Variants in SCN3A observed in about 807,000 individuals in gnomAD.
The protein encoded by SCN3A is sodium voltage-gated channel alpha subunit 3, also known as sodium channel protein type 3 subunit alpha.
A neutral mutation model predicts 187.6 loss-of-function variants in SCN3A; 60 were observed. The ratio of observed to expected loss-of-function variants is 0.32; its 90% CI spans 0.26 to 0.40. SCN3A has a LOEUF of 0.40. Ranked by LOEUF, SCN3A falls within the 10% of genes least tolerant of loss-of-function variation. The probability of loss-of-function intolerance (pLI) is 1.00; values close to 1 mark genes in which losing one functional copy is unlikely to be tolerated. For missense variants in SCN3A, 1,601 were observed against 2,428.2 expected (o/e 0.66, Z 7.16); for synonymous variants, 788 against 829.2 (o/e 0.95, Z 0.85).
intron 2 of SCN3A, among the ~76,000 whole-genome samples, chr2:165,178,772 G>A (rs1381473468): frequency 6.6e-6 from 1 of 151,960 alleles, no homozygotes; most frequent in Non-Finnish European, 1.5e-5. Context: ...CGAAAGGTTT[G>A]AGAAAAATTC....
chr2:165,115,626 C>G, intron 18 of SCN3A, 51 bp from the exon 19 acceptor site: 1 of 1,575,840 alleles, frequency 6.3e-7, no homozygotes, highest in Non-Finnish European at 8.7e-7. Context: ...TTTTATTTAA[C>G]TAACTGGGAA....
At chr2:165,127,584 C>CA in intron 18 of SCN3A, 47 bp downstream of exon 18, 1 of 1,423,978 alleles carries the variant, frequency 7.0e-7, no homozygotes, top group Non-Finnish European at 9.9e-7. Context: ...AACTGTAGTA[C>CA]ATGGTTATCA....
chr2:165,130,711 A>G (rs745411338), intron 16 of SCN3A, among the ~76,000 whole-genome samples: 2 of 152,142 alleles, frequency 1.3e-5, no homozygotes, highest in African/African-American at 2.4e-5. Context: ...TAACCTAAAT[A>G]ATGTGATAAA....
chr2:165,146,016 T>C (rs571062566), intron 12 of SCN3A, among the ~76,000 whole-genome samples: 1 of 152,126 alleles, frequency 6.6e-6, no homozygotes, highest in African/African-American at 2.4e-5. Flanking sequence ...CTCTTTTACT[T>C]AAAACTATGC....
At position 165,161,133 on chromosome 2, in the gene SCN3A, CTTTCTTTT is replaced by C. The variant is rs1689347896; in HGVS notation, c.1031+1167_1031+1174del. Among the ~76,000 whole-genome samples the C allele has an allele frequency of 4.8e-5, 4 of 83,708 alleles. No individual in the cohort carries two copies. The South Asian group carries it at 1.2e-3, about 25-fold the overall frequency. The allele number at this position is 83,708 out of a possible 152,430, so 54.9% of individuals were successfully genotyped here. ...TTCTTTTCTTTTCTTTTTTTTCTTT[CTTTCTTTT>C]TTTTTTTTTTTTTTTTTTTTTGTTT... On this transcript the variant is annotated intron_variant, in intron 9 of 27. Coordinates refer to ENST00000283254, the MANE Select transcript of SCN3A (RefSeq NM_006922.4).
At chr2:165,186,835 CT>C (rs113040062) in intron 1 of SCN3A, 88 bp from the exon 2 acceptor site, 2,257 of 147,720 alleles carry the variant, frequency 0.015, 44 homozygotes, top group Admixed American at 0.051. Context: ...GGTTTTATTC[CT>C]TTTTTTTTTA....
chr2:165,100,684 A>G (rs563539678), intron 21 of SCN3A, among the ~76,000 whole-genome samples: 15 of 152,100 alleles, frequency 9.9e-5, no homozygotes, highest in Non-Finnish European at 1.8e-4. Flanking sequence ...TATACCATGG[A>G]CCCCTTTTCA....
chr2:165,176,217 T>A lies in SCN3A; in HGVS notation c.178A>T (p.Asn60Tyr), dbSNP rs1690446536. The A allele has an allele frequency of 6.2e-7, 1 of 1,614,028 alleles. No individual in the cohort carries two copies. The highest frequency in any genetic ancestry group is 1.3e-5 in the African/African-American group (1 of 74,944). ...KPNSDLEAGKNLPFIYGDIPP... is the reference protein window; with the variant it reads ...KPNSDLEAGKYLPFIYGDIPP... ...ATGTCTCCATAAATAAATGGAAGGT[T>A]CTTTCCAGCTTCCAAGTCACTATTT... The change falls in exon 3 of 28, where the codon AAC (asparagine) becomes TAC (tyrosine). Residue 60 changes from asparagine to tyrosine, a missense_variant. Around this residue, in one of 11 missense-constraint regions of SCN3A, gnomAD observed 74 missense variants for 77.7 expected, o/e 0.95. Coordinates refer to ENST00000283254, the MANE Select transcript of SCN3A (RefSeq NM_006922.4).
chr2:165,142,132 C>T (rs538559769), intron 12 of SCN3A, among the ~76,000 whole-genome samples: 1 of 152,128 alleles, frequency 6.6e-6, no homozygotes, highest in Non-Finnish European at 1.5e-5. Flanking sequence ...ATTCCCTTTC[C>T]TACTTCTCTT....
At position 165,168,665 on chromosome 2, in the gene SCN3A, C is replaced by CTA. The variant is rs1446836555; in HGVS notation, c.473+69_473+70dup. The CTA allele has an allele frequency of 1.3e-5, 14 of 1,047,798 alleles. No homozygotes were observed. The Admixed American group carries it at 2.4e-4, about 18-fold the overall frequency. 64.9% of individuals were successfully genotyped at this position (1,047,798 alleles called of 1,614,324 possible). A position where few individuals can be genotyped will look rare whatever the true frequency, so the allele number is the denominator to read the frequency against. On this transcript the variant is annotated intron_variant, in intron 5 of 27. Transcript: ENST00000283254. ...ACAGAAGTGGAAACCATAAGTCAGG[C>CTA]TATACCCACAAGGAGATTGCTAGAG...
At chr2:165,156,183 C>T (rs1158067819) in intron 9 of SCN3A, among the ~76,000 whole-genome samples, 1 of 152,074 alleles carries the variant, frequency 6.6e-6, no homozygotes, top group African/African-American at 2.4e-5. Flanking sequence ...TACCATATTT[C>T]TACTCTTTAC....
chr2:165,202,413 C>G (rs1446153923), intron 1 of SCN3A, among the ~76,000 whole-genome samples: 2 of 151,982 alleles, frequency 1.3e-5, no homozygotes, highest in Non-Finnish European at 2.9e-5. Context: ...ATTTAGTCAC[C>G]TGTAGAGAAG....
Position 165,089,733 on chromosome 2 carries a change from C to A in SCN3A, c.*417G>T, listed in dbSNP as rs1684986432. The A allele has an allele frequency of 5.9e-6, 1 of 169,926 alleles. No homozygotes were observed. Among genetic ancestry groups the A allele is most frequent in the Non-Finnish European group, 1.3e-5 (1 of 78,134 alleles). 10.5% of individuals were successfully genotyped at this position (169,926 alleles called of 1,614,324 possible). A position where few individuals can be genotyped will look rare whatever the true frequency, so the allele number is the denominator to read the frequency against. On this transcript the variant is annotated 3_prime_UTR_variant, in exon 28 of 28. Coordinates refer to ENST00000283254, the MANE Select transcript of SCN3A (RefSeq NM_006922.4). ...CTCATTTACAAAAATAGTGACATAG[C>A]ATTATGAATAAACTATGAATTGGGG...
At chr2:165,155,078 G>A (rs1688936551) in intron 10 of SCN3A, among the ~76,000 whole-genome samples, 1 of 152,112 alleles carries the variant, frequency 6.6e-6, no homozygotes, top group South Asian at 2.1e-4. Context: ...AATAGCTAGA[G>A]CTTTAATTTG....
At chr2:165,148,286 T>G (rs1206734196) in intron 11 of SCN3A, among the ~76,000 whole-genome samples, 1 of 152,066 alleles carries the variant, frequency 6.6e-6, no homozygotes, top group East Asian at 1.9e-4. Context: ...TATATTTAAC[T>G]TGCTACAGAT....
At chr2:165,107,259 A>G (rs1685905530) in intron 21 of SCN3A, among the ~76,000 whole-genome samples, 3 of 152,222 alleles carry the variant, frequency 2.0e-5, no homozygotes, top group Admixed American at 2.0e-4. Context: ...AGAAATTTAT[A>G]GCTACATTAG....
At chr2:165,139,695 A>T (rs895395285) in intron 13 of SCN3A, 87 bp from the exon 14 acceptor site, 58 of 1,514,240 alleles carry the variant, frequency 3.8e-5, no homozygotes, top group Non-Finnish European at 5.1e-5. Flanking sequence ...ATCATGCTAC[A>T]TGCAATTTTT....
chr2:165,163,788 C>T (rs750226790), intron 6 of SCN3A, 79 bp from the exon 7 acceptor site: 4 of 1,613,448 alleles, frequency 2.5e-6, no homozygotes, highest in Non-Finnish European at 3.4e-6. Context: ...TACCTTACAC[C>T]AGTTTCTTCT....
At chr2:165,145,391 G>A (rs1688255565) in intron 12 of SCN3A, among the ~76,000 whole-genome samples, 1 of 151,908 alleles carries the variant, frequency 6.6e-6, no homozygotes, top group South Asian at 2.1e-4. Flanking sequence ...ATACTGATTT[G>A]ATAATATATT....
Sources: allele counts gnomAD v4.1 joint callset (sites outside exome capture counted in the v4.1 genomes callset), GRCh38; gene constraint gnomAD v4.1.1; regional missense constraint gnomAD v4.1.1; transcripts MANE v1.5; gene names NCBI Gene and HGNC (gene_info 2026-07-23, HGNC 2026-07-21).